TCF20: variants seen among roughly 807,000 people sequenced by gnomAD.
The protein encoded by TCF20 is SPRE-binding protein.
A neutral mutation model predicts 148.6 loss-of-function variants in TCF20; 3 were observed. The ratio of observed to expected loss-of-function variants is 0.02; its 90% CI spans 0.01 to 0.05. TCF20 has a LOEUF of 0.05. Ranked by LOEUF, TCF20 falls within the 10% of genes least tolerant of loss-of-function variation. The pLI, the probability that TCF20 is intolerant of heterozygous loss-of-function variation, is 1.00. For synonymous variants in TCF20, 1,049 were observed against 909.5 expected, an observed-to-expected ratio of 1.15 and a Z score of -2.76; for missense variants, 2,350 against 2,429.3, an observed-to-expected ratio of 0.97 and a Z score of 0.69.
At chr22:42,221,632 A>G (rs1601615732) in intron 1 of TCF20, among the ~76,000 whole-genome samples, 1 of 152,154 alleles carries the variant, frequency 6.6e-6, no homozygotes, top group Non-Finnish European at 1.5e-5. Context: ...AGAAATGCCC[A>G]AAGTCCAAAA....
chr22:42,214,764 T>C lies in TCF20; in HGVS notation c.542A>G (p.Gln181Arg). 2 of 1,614,124 alleles carry C rather than the reference T, an allele frequency of 1.2e-6. No individual in the cohort carries two copies. The highest frequency in any genetic ancestry group is 2.2e-5 in the East Asian group (1 of 44,886). Residue 181 changes from glutamine (Q) to arginine (R), a missense_variant, in exon 2 of 6, where the codon CAG becomes CGG. This residue lies in a region of TCF20 where 1,641 missense variants were observed against 1,662.6 expected (regional missense o/e 0.99). Coordinates refer to ENST00000677622, the MANE Select transcript of TCF20 (RefSeq NM_001378418.1). ...CTGGTAAAGCTGTTGTCTCAACTGC[T>C]GGACTTGCTGCTGCTGCTGCTGGCT... ...ASSQQQQQQV[Q>R]QLRQQLYQSH...
rs1921055962 is a variant in TCF20 at position 42,212,375 on chromosome 22, G to A, written c.2931C>T (p.Asp977=). Residue 977 remains aspartate, a synonymous_variant, in exon 2 of 6, where the codon GAC becomes GAT. Transcript: ENST00000677622. ...PGAATHDSLS[D]YGPQDSRPTP... ...TGGGTCTGCTGTCTTGCGGGCCATA[G>A]TCTGAAAGGGAATCATGGGTTGCTG... 6.2e-7 allele frequency: 1 copy of A among 1,614,264 alleles called. No individual in the cohort carries two copies.
intron 1 of TCF20, among the ~76,000 whole-genome samples, chr22:42,254,436 G>A (rs991662195): frequency 1.3e-5 from 2 of 152,338 alleles, no homozygotes; most frequent in Non-Finnish European, 2.9e-5. Flanking sequence ...CAGGTTAAGG[G>A]CACAGAGTCC....
intron 1 of TCF20, among the ~76,000 whole-genome samples, chr22:42,295,715 C>T (rs1455905853): frequency 6.6e-6 from 1 of 152,216 alleles, no homozygotes; most frequent in South Asian, 2.1e-4. Flanking sequence ...GTTGGGATTA[C>T]AGGCGTGAGC....
At chr22:42,176,679 G>A (rs1488107065) in intron 3 of TCF20, among the ~76,000 whole-genome samples, 1 of 152,134 alleles carries the variant, frequency 6.6e-6, no homozygotes, top group Non-Finnish European at 1.5e-5. Context: ...CCTGGGTGAT[G>A]GTCTTAGATA....
chr22:42,203,025 T>C (rs962372367), intron 2 of TCF20, among the ~76,000 whole-genome samples: 14 of 152,362 alleles, frequency 9.2e-5, no homozygotes, highest in Admixed American at 9.1e-4. Flanking sequence ...GTTAGCTCTT[T>C]TAACAGATTA....
intron 2 of TCF20, among the ~76,000 whole-genome samples, chr22:42,207,270 C>T (rs1601585995): frequency 2.0e-5 from 3 of 152,242 alleles, no homozygotes; most frequent in East Asian, 3.9e-4. Context: ...CCCTACCATC[C>T]TCTTCTCCAC....
At chr22:42,322,656 G>A (rs1043073101) in intron 1 of TCF20, among the ~76,000 whole-genome samples, 3 of 151,862 alleles carry the variant, frequency 2.0e-5, no homozygotes, top group African/African-American at 7.2e-5. Context: ...GTGAGTGAGT[G>A]AGCAAGCGCC....
intron 1 of TCF20, among the ~76,000 whole-genome samples, chr22:42,226,269 C>T (rs1922884547): frequency 6.6e-6 from 1 of 152,174 alleles, no homozygotes; most frequent in Non-Finnish European, 1.5e-5. Flanking sequence ...AGCGTAGGGG[C>T]TTCTGAGATG....
chr22:42,309,806 G>A (rs1203865157), intron 1 of TCF20, among the ~76,000 whole-genome samples: 1 of 152,228 alleles, frequency 6.6e-6, no homozygotes, highest in Non-Finnish European at 1.5e-5. Flanking sequence ...CTCGTCTGCA[G>A]AATAGGGGTG....
At position 42,212,166 on chromosome 22, in the gene TCF20, G is replaced by C; in HGVS notation, c.3140C>G (p.Ser1047Cys). The C allele has an allele frequency of 6.2e-7, 1 of 1,614,214 alleles. No homozygotes were observed. The highest frequency in any genetic ancestry group is 2.2e-5 in the East Asian group (1 of 44,890). ...MTFSERANRS[S>C]LHTPFSPNSE... The stretch of plus-strand genomic sequence containing the variant: ...GTTGGGAGAAAAGGGAGTGTGTAAA[G>C]AACTCCGGTTAGCCCTCTCTGAAAA... The change falls in exon 2 of 6, where the codon TCT becomes TGT. Residue 1047 changes from serine (S) to cysteine (C), a missense_variant. By Grantham distance (112) the Ser-to-Cys change is moderately radical. Transcript: ENST00000677622.
intron 1 of TCF20, among the ~76,000 whole-genome samples, chr22:42,327,425 G>A (rs538439697): frequency 2.0e-5 from 3 of 152,310 alleles, no homozygotes; most frequent in Admixed American, 1.3e-4. Flanking sequence ...GAAGCCAGAG[G>A]TGCAGGGCAC....
rs943003341 is a variant in TCF20 at position 42,338,605 on chromosome 22, G to C, written c.-37+4874C>G. On this transcript the variant is annotated intron_variant, in intron 1 of 1. Coordinates refer to the TCF20 transcript ENST00000515426. The surrounding 1 kb of genome is among the most constrained non-coding windows in gnomAD (Gnocchi z 4.0). ...CGAGAGGCTTAATGAAACTGCTAAC[G>C]CGTTAGTGATTCCTGCCTGCTCGGG... Among the ~76,000 whole-genome samples the C allele has an allele frequency of 1.3e-5, 2 of 152,342 alleles. No homozygotes were observed. Among genetic ancestry groups the C allele is most frequent in the East Asian group, 3.9e-4 (2 of 5,186 alleles).
At chr22:42,321,142 T>G (rs1927725846) in intron 1 of TCF20, among the ~76,000 whole-genome samples, 2 of 152,260 alleles carry the variant, frequency 1.3e-5, no homozygotes, top group South Asian at 4.1e-4. Flanking sequence ...ATTTAAGGCC[T>G]TCTTGGCCAG....
intron 3 of TCF20, among the ~76,000 whole-genome samples, chr22:42,176,947 C>T (rs1433314305): frequency 6.6e-6 from 1 of 152,100 alleles, no homozygotes; most frequent in Non-Finnish European, 1.5e-5. Context: ...TGTAGGATAA[C>T]CACAGTTAAC....
chr22:42,165,404 G>A (rs1182336502), intron 5 of TCF20, among the ~76,000 whole-genome samples: 1 of 152,242 alleles, frequency 6.6e-6, no homozygotes, highest in Non-Finnish European at 1.5e-5. Flanking sequence ...GTTAGGGCAA[G>A]CTGGGGCCTC....
At position 42,236,096 on chromosome 22, in the gene TCF20, C is replaced by T. The variant is rs151178191; in HGVS notation, c.-36-20755G>A. On this transcript the variant is annotated intron_variant, in intron 1 of 5. Transcript: ENST00000677622. ...GTAATCCGAGAATCACTTGCTTGTA[C>T]ACCCAGGAAGCAGAGGTTGCAGTGA... 4.4e-3 allele frequency among the ~76,000 whole-genome samples: 664 copies of T among 151,974 alleles called. 10 individuals are homozygous for T. The highest frequency in any genetic ancestry group is 0.015 in the African/African-American group (628 of 41,444).
chr22:42,312,899 G>T (rs1927561471), intron 1 of TCF20, among the ~76,000 whole-genome samples: 1 of 152,216 alleles, frequency 6.6e-6, no homozygotes, highest in South Asian at 2.1e-4. Context: ...CACGTCTGCA[G>T]AGCCCAGGGG....
chr22:42,277,114 A>G (rs1283393737), intron 1 of TCF20: 1 of 152,206 alleles, frequency 6.6e-6, no homozygotes, highest in Non-Finnish European at 1.5e-5. Flanking sequence ...CTAACTAGAC[A>G]AGTTGGCTTC....
Sources: gnomAD v4.1 joint callset for allele counts (sites outside exome capture counted in the v4.1 genomes callset) on GRCh38, gnomAD v4.1.1 for gene constraint, gnomAD v4.1.1 regional missense constraint, Gnocchi (gnomAD v3.1) non-coding constraint, MANE v1.5 for transcripts, NCBI Gene and HGNC (gene_info 2026-07-23, HGNC 2026-07-21) for gene names.